Variants in BPGM observed in about 807,000 individuals in gnomAD.
BPGM encodes 2,3-bisphosphoglycerate mutase, erythrocyte.
In BPGM, 15 loss-of-function variants were observed where a neutral mutation model predicts 21.6. The observed-to-expected ratio is 0.70, with a 90% CI of 0.47 to 1.07. The LOEUF is 1.07. Among genes scored for constraint, BPGM ranks in the 50% least tolerant of loss-of-function variants. The pLI is 0.00. For synonymous variants in BPGM, 113 were observed against 116.2 expected (o/e 0.97, Z 0.18); for missense variants, 273 against 319.0 (o/e 0.86, Z 1.10).
intron 1 of BPGM, among the ~76,000 whole-genome samples, chr7:134,659,360 C>A (rs1236044251): frequency 2.1e-5 from 3 of 145,742 alleles, no homozygotes; most frequent in Admixed American, 1.4e-4. Context: ...AACACACTTA[C>A]ACACACCCCT....
intron 1 of BPGM, among the ~76,000 whole-genome samples, chr7:134,658,892 A>ATTTTTTTTTTTTTTTTTTTTTTTTTTTT: frequency 6.9e-6 from 1 of 143,898 alleles, no homozygotes. Flanking sequence ...GTGTGTGTGT[A>ATTTTTTTTTTTTTTTTTTTTTTTTTTTT]TTTTTTTTTT....
At chr7:134,649,606 T>C (rs111882242) in intron 1 of BPGM, among the ~76,000 whole-genome samples, 1 of 152,302 alleles carries the variant, frequency 6.6e-6, no homozygotes, top group African/African-American at 2.4e-5. Context: ...ACAAAAAGTA[T>C]TACTTAATAA....
At chr7:134,675,602 A>G (rs1795973811) in intron 2 of BPGM, among the ~76,000 whole-genome samples, 1 of 152,132 alleles carries the variant, frequency 6.6e-6, no homozygotes, top group African/African-American at 2.4e-5. Context: ...TATTTCATTG[A>G]TCTGTGTGTA....
At chr7:134,656,360 GA>G (rs375780158) in intron 1 of BPGM, among the ~76,000 whole-genome samples, 13 of 151,936 alleles carry the variant, frequency 8.6e-5, no homozygotes, top group East Asian at 1.9e-4. Context: ...GACATACTGT[GA>G]AAAAAAAGAA....
intron 2 of BPGM, 111 bp downstream of exon 2, chr7:134,662,219 C>T: frequency 3.6e-6 from 5 of 1,391,584 alleles, no homozygotes; most frequent in Non-Finnish European, 3.0e-6. Context: ...CTCTATCCCC[C>T]TTTGTCACTT....
At chr7:134,671,450 C>G (rs1422850822) in intron 2 of BPGM, among the ~76,000 whole-genome samples, 1 of 151,626 alleles carries the variant, frequency 6.6e-6, no homozygotes, top group South Asian at 2.1e-4. Flanking sequence ...CAAGCTCCAC[C>G]TCCCAGGTTC....
chr7:134,661,925 C>T lies in BPGM; in HGVS notation c.418C>T (p.Arg140Trp), dbSNP rs141221644. 36 of 1,613,342 alleles carry T rather than the reference C, an allele frequency of 2.2e-5. No homozygotes were observed. In the Middle Eastern group the frequency reaches 1.3e-3, roughly 59 times the overall value. ...HPYYQEIYND[R>W]RYKVCDVPLD... is the part of the protein sequence containing the mutation. ...TTACTACCAAGAAATCTACAACGACCGGAGGTATAAAGTATGCGATGTGCC... is the reference window on the plus strand; with the variant it reads ...TTACTACCAAGAAATCTACAACGACTGGAGGTATAAAGTATGCGATGTGCC... The change falls in exon 2 of 3, where the codon CGG becomes TGG. Residue 140 changes from arginine (R) to tryptophan (W), a missense_variant. Arg to Trp is a moderately radical substitution (Grantham distance 101, BLOSUM62 -3). Transcript: ENST00000344924. This position sits in a 1 kb window ranked among gnomAD's most constrained non-coding sequence, Gnocchi z 4.6.
chr7:134,673,752 C>T (rs1182463681), intron 2 of BPGM, among the ~76,000 whole-genome samples: 1 of 152,140 alleles, frequency 6.6e-6, no homozygotes, highest in Non-Finnish European at 1.5e-5. Context: ...TCTTCTCTCT[C>T]CTCCTCAGTA....
chr7:134,658,252 A>G (rs971134208), intron 1 of BPGM: 1 of 151,974 alleles, frequency 6.6e-6, no homozygotes, highest in Non-Finnish European at 1.5e-5. Flanking sequence ...TAAAAAAGAC[A>G]TTTATTTACT....
At chr7:134,649,337 G>C (rs1219844419) in intron 1 of BPGM, among the ~76,000 whole-genome samples, 1 of 152,134 alleles carries the variant, frequency 6.6e-6, no homozygotes, top group East Asian at 1.9e-4. Flanking sequence ...TAATGTGGCA[G>C]AAAAATGTCA....
In BPGM at chr7:134,679,540, A is replaced by AAAGT. The variant is rs1347928644; in HGVS notation, c.*510_*513dup. The AAAGT allele has an allele frequency of 6.5e-6, 1 of 154,070 alleles. No homozygotes were observed. The highest frequency in any genetic ancestry group is 2.4e-5 in the African/African-American group (1 of 41,464). The allele number at this position is 154,070 out of a possible 1,614,324, so 9.5% of individuals were successfully genotyped here. A position where few individuals can be genotyped will look rare whatever the true frequency, so the allele number is the denominator to read the frequency against. On this transcript the variant is annotated 3_prime_UTR_variant, in exon 3 of 3. Transcript: ENST00000344924. ...TAAGGCCAGAGGCCCATTAGTTGAG[A>AAAGT]AAGTCACAGATATATTTCTCCAAGA...
intron 2 of BPGM, among the ~76,000 whole-genome samples, chr7:134,671,363 C>CTTTTTTTT (rs563524361): frequency 7.5e-6 from 1 of 133,964 alleles, no homozygotes; most frequent in Non-Finnish European, 1.6e-5. Flanking sequence ...ACATTTTGTT[C>CTTTTTTTT]TTTTTTTTTT....
intron 2 of BPGM, among the ~76,000 whole-genome samples, chr7:134,677,823 C>T (rs1261981982): frequency 6.6e-6 from 1 of 152,158 alleles, no homozygotes; most frequent in Non-Finnish European, 1.5e-5. Flanking sequence ...TTTCTCATGC[C>T]TTCCCTTTGC....
At chr7:134,670,468 T>A (rs1042669585) in intron 2 of BPGM, among the ~76,000 whole-genome samples, 4 of 152,224 alleles carry the variant, frequency 2.6e-5, no homozygotes, top group Non-Finnish European at 5.9e-5. Flanking sequence ...CTTTATTTTT[T>A]AAACATTATA....
At position 134,679,528 on chromosome 7, in the gene BPGM, C is replaced by T. The variant is rs1233848026; in HGVS notation, c.*497C>T. 1.3e-5 allele frequency: 2 copies of T among 154,088 alleles called. No individual in the cohort carries two copies. The highest frequency in any genetic ancestry group is 2.9e-5 in the Non-Finnish European group (2 of 69,290). The allele number at this position is 154,088 out of a possible 1,614,324, so 9.5% of individuals were successfully genotyped here. Reference sequence around the variant, plus strand: ...TACTTTGATAATTAAGGCCAGAGGCCCATTAGTTGAGAAAGTCACAGATAT... The same window carrying T: ...TACTTTGATAATTAAGGCCAGAGGCTCATTAGTTGAGAAAGTCACAGATAT... On this transcript the variant is annotated 3_prime_UTR_variant, in exon 3 of 3. Transcript: ENST00000344924.
chr7:134,670,946 GAAAATCAAAGAACATCT>G (rs1426429989), intron 2 of BPGM, among the ~76,000 whole-genome samples: 1 of 152,088 alleles, frequency 6.6e-6, no homozygotes, highest in Non-Finnish European at 1.5e-5. Flanking sequence ...ACACTTTGGA[GAAAATCAAAGAACATCT>G]AAAGCCATTT....
Position 134,661,740 on chromosome 7 carries a change from G to T in BPGM, c.233G>T (p.Trp78Leu), listed in dbSNP as rs754001223. 1 of 1,614,128 alleles carries T rather than the reference G, an allele frequency of 6.2e-7. No individual in the cohort carries two copies. The highest frequency in any genetic ancestry group is 8.5e-7 in the Non-Finnish European group (1 of 1,180,024). ...WLILEELGQE[W>L]VPVESSWRLN... ...ATCCTGGAAGAGCTAGGCCAGGAAT[G>T]GGTGCCTGTGGAAAGCTCCTGGCGT... The change falls in exon 2 of 3, where the codon TGG becomes TTG. Residue 78 changes from tryptophan to leucine, a missense_variant. Trp to Leu is a moderately conservative substitution (Grantham distance 61, BLOSUM62 -2). Coordinates refer to ENST00000344924, the MANE Select transcript of BPGM (RefSeq NM_001724.5). The surrounding 1 kb of genome is among the most constrained non-coding windows in gnomAD (Gnocchi z 4.6).
At chr7:134,659,683 T>G (rs774227114) in intron 1 of BPGM, among the ~76,000 whole-genome samples, 1 of 152,182 alleles carries the variant, frequency 6.6e-6, no homozygotes, top group Non-Finnish European at 1.5e-5. Flanking sequence ...CTGCTGCACA[T>G]GCACAGCAAC....
At position 134,646,930 on chromosome 7, in the gene BPGM, C is replaced by T. The variant is rs1253133826; in HGVS notation, c.-69C>T. 3 of 186,178 alleles carry T rather than the reference C, an allele frequency of 1.6e-5. No homozygotes were observed. The highest frequency in any genetic ancestry group is 2.3e-5 in the Non-Finnish European group (2 of 86,942). The allele number at this position is 186,178 out of a possible 1,614,324, so 11.5% of individuals were successfully genotyped here. On this transcript the variant is annotated 5_prime_UTR_variant, in exon 1 of 3. Coordinates refer to ENST00000344924, the MANE Select transcript of BPGM (RefSeq NM_001724.5). ...CTGCTGCTGCTGCTGCTGGTGGCCC[C>T]TTTGCAGGTGAGTGGCTTTGTTTTA...
Sources: gnomAD v4.1 joint callset for allele counts (sites outside exome capture counted in the v4.1 genomes callset) on GRCh38, gnomAD v4.1.1 for gene constraint, Gnocchi (gnomAD v3.1) non-coding constraint, MANE v1.5 for transcripts, NCBI Gene and HGNC (gene_info 2026-07-23, HGNC 2026-07-21) for gene names.